Variants in NRG1 observed in about 807,000 individuals in gnomAD.
NRG1 encodes neuregulin 1.
A neutral mutation model predicts 63.8 loss-of-function variants in NRG1; 18 were observed. That is an observed-to-expected ratio of 0.28 (90% CI 0.19 to 0.42). The LOEUF is 0.42. Ranked by LOEUF, NRG1 falls within the 10% of genes least tolerant of loss-of-function variation. The pLI, the probability that NRG1 is intolerant of heterozygous loss-of-function variation, is 1.00. For missense variants in NRG1, 762 were observed against 814.7 expected (o/e 0.94, Z 0.79); for synonymous variants, 302 against 301.3 (o/e 1.00, Z -0.02).
chr8:32,358,706 C>T (rs1361027865), intron 1 of NRG1, among the ~76,000 whole-genome samples: 1 of 152,024 alleles, frequency 6.6e-6, no homozygotes, highest in Non-Finnish European at 1.5e-5. Flanking sequence ...AAGGCTAGAG[C>T]AGAGAAAGAA....
intron 1 of NRG1, among the ~76,000 whole-genome samples, chr8:32,431,117 T>A (rs2129486746): frequency 6.6e-6 from 1 of 152,306 alleles, no homozygotes; most frequent in South Asian, 2.1e-4. Flanking sequence ...GTTAAACACA[T>A]TGCCCATGAT....
In NRG1 at chr8:32,640,132, G is replaced by A. The variant is rs573283705; in HGVS notation, c.502+23247G>A. The stretch of plus-strand genomic sequence containing the variant: ...GACACAGCAAAGATATTTGCTCAAG[G>A]TAGCTAAGCCAATATGTATTGCTCC... On this transcript the variant is annotated intron_variant, in intron 5 of 11. Coordinates refer to ENST00000356819, the Ensembl canonical transcript of NRG1. Among the ~76,000 whole-genome samples the A allele has an allele frequency of 2.6e-5, 4 of 152,200 alleles. No individual in the cohort carries two copies. The South Asian group carries it at 8.3e-4, about 32-fold the overall frequency.
chr8:32,351,082 T>C (rs568152088), intron 1 of NRG1, among the ~76,000 whole-genome samples: 63 of 152,298 alleles, frequency 4.1e-4, no homozygotes, highest in African/African-American at 7.0e-4. Flanking sequence ...CTAAAAGTAG[T>C]TTTTTTACTT....
chr8:31,696,442 C>G (rs769688379), intron 1 of NRG1, among the ~76,000 whole-genome samples: 1 of 152,094 alleles, frequency 6.6e-6, no homozygotes, highest in Admixed American at 6.5e-5. Context: ...AAGATCCTGG[C>G]TTTACTAACT....
At chr8:31,874,708 T>A (rs1247393751) in intron 1 of NRG1, among the ~76,000 whole-genome samples, 1 of 152,172 alleles carries the variant, frequency 6.6e-6, no homozygotes, top group African/African-American at 2.4e-5. Context: ...TCTTTATAGC[T>A]ATTTTTTTGT....
chr8:31,966,976 T>G (rs1372170100), intron 1 of NRG1, among the ~76,000 whole-genome samples: 5 of 152,176 alleles, frequency 3.3e-5, no homozygotes, highest in Admixed American at 1.3e-4. Flanking sequence ...TTGACTGCTT[T>G]TTATGATAAT....
chr8:32,472,552 GT>G (rs1196368832), intron 1 of NRG1, among the ~76,000 whole-genome samples: 1 of 152,214 alleles, frequency 6.6e-6, no homozygotes, highest in Non-Finnish European at 1.5e-5. Flanking sequence ...AAAATGTGCA[GT>G]TTTTGTCACA....
chr8:32,424,803 G>T (rs889435212), intron 1 of NRG1, among the ~76,000 whole-genome samples: 3 of 152,118 alleles, frequency 2.0e-5, no homozygotes, highest in Non-Finnish European at 4.4e-5. Context: ...CAAGGCTGCG[G>T]TGAGCTATGA....
At chr8:32,429,039 T>A (rs940676631) in intron 1 of NRG1, among the ~76,000 whole-genome samples, 3 of 152,146 alleles carry the variant, frequency 2.0e-5, no homozygotes, top group Non-Finnish European at 4.4e-5. Context: ...GAACACTGAC[T>A]GCAAAAATAC....
At chr8:32,218,095 A>G (rs889572764) in intron 1 of NRG1, among the ~76,000 whole-genome samples, 4 of 152,228 alleles carry the variant, frequency 2.6e-5, no homozygotes, top group Admixed American at 2.0e-4. Context: ...TTCTTAAACA[A>G]AATAGTGGCG....
chr8:32,698,329 T>C (rs1589270192), intron 5 of NRG1, among the ~76,000 whole-genome samples: 1 of 151,892 alleles, frequency 6.6e-6, no homozygotes, highest in East Asian at 1.9e-4. Flanking sequence ...GGAAGAAACA[T>C]AGAAGGAGAG....
intron 3 of NRG1, among the ~76,000 whole-genome samples, chr8:32,609,781 C>T (rs1846043306): frequency 1.3e-5 from 2 of 151,316 alleles, no homozygotes; most frequent in African/African-American, 4.9e-5. Flanking sequence ...AAGCAATTCT[C>T]CTGCCTCAGC....
intron 1 of NRG1, among the ~76,000 whole-genome samples, chr8:32,479,095 A>G (rs1027152804): frequency 1.3e-5 from 2 of 152,206 alleles, no homozygotes; most frequent in East Asian, 3.8e-4. Flanking sequence ...AATTTCAAGG[A>G]AAAACAAAAA....
At position 32,616,193 on chromosome 8, in the gene NRG1, T is replaced by A. The variant is rs950691640; in HGVS notation, c.452-642T>A. On this transcript the variant is annotated intron_variant, in intron 4 of 11. Coordinates refer to ENST00000356819, the Ensembl canonical transcript of NRG1. The stretch of plus-strand genomic sequence containing the variant: ...TATTTTTCATTCTCTCTGTACTTAA[T>A]GACTGTTTTTTCTTCTTTTATCTTT... 7.9e-5 allele frequency among the ~76,000 whole-genome samples: 12 copies of A among 152,200 alleles called. No homozygotes were observed. The East Asian group carries it at 2.1e-3, about 27-fold the overall frequency.
chr8:31,758,316 T>C (rs1817187063), intron 1 of NRG1, among the ~76,000 whole-genome samples: 1 of 152,176 alleles, frequency 6.6e-6, no homozygotes, highest in African/African-American at 2.4e-5. Flanking sequence ...AGTGTTTGGT[T>C]TTCTGTTCCT....
chr8:31,792,100 A>T (rs1820772602), intron 1 of NRG1, among the ~76,000 whole-genome samples: 2 of 152,110 alleles, frequency 1.3e-5, no homozygotes, highest in African/African-American at 4.8e-5. Context: ...TAGTTACATG[A>T]CCTTTTTCAT....
intron 1 of NRG1, among the ~76,000 whole-genome samples, chr8:31,701,749 C>A (rs1388741249): frequency 3.9e-5 from 6 of 152,024 alleles, no homozygotes; most frequent in Non-Finnish European, 8.8e-5. Context: ...TCCAACATAA[C>A]AGAAAAAGAA....
intron 1 of NRG1, among the ~76,000 whole-genome samples, chr8:32,455,275 C>G (rs919983015): frequency 1.3e-5 from 2 of 152,114 alleles, no homozygotes; most frequent in African/African-American, 2.4e-5. Flanking sequence ...AAATGAGGTA[C>G]CATACGTGAT....
chr8:32,541,884 G>A (rs967520072), intron 1 of NRG1, among the ~76,000 whole-genome samples: 2 of 152,138 alleles, frequency 1.3e-5, no homozygotes, highest in African/African-American at 4.8e-5. Flanking sequence ...GTTCTAAGGT[G>A]TTTACTGGGT....
Sources: gnomAD v4.1 joint callset for allele counts (sites outside exome capture counted in the v4.1 genomes callset) on GRCh38, gnomAD v4.1.1 for gene constraint, MANE v1.5 for transcripts, NCBI Gene and HGNC (gene_info 2026-07-23, HGNC 2026-07-21) for gene names.